The following TMEM74 variants were observed in gnomAD, a reference collection of about 807,000 sequenced individuals.
TMEM74 encodes transmembrane protein 74.
TMEM74 carries 13 observed loss-of-function variants against 18.1 expected under a neutral mutation model. The ratio of observed to expected loss-of-function variants is 0.72; its 90% CI spans 0.47 to 1.14. The LOEUF is 1.14. Among genes scored for constraint, TMEM74 ranks in the 50% most tolerant of loss-of-function variants. TMEM74 has a pLI of 0.00. For synonymous variants in TMEM74, 159 were observed against 146.6 expected (o/e 1.08, Z -0.61); for missense variants, 372 against 375.9 (o/e 0.99, Z 0.09).
intron 1 of TMEM74, among the ~76,000 whole-genome samples, chr8:108,690,226 A>T (rs918627074): frequency 2.0e-5 from 3 of 152,278 alleles, no homozygotes; most frequent in East Asian, 1.9e-4. Flanking sequence ...TGAGTAAATC[A>T]GCAAGGCTAA....
chr8:108,771,040 G>T (rs1195317926), intron 1 of TMEM74, among the ~76,000 whole-genome samples: 1 of 152,164 alleles, frequency 6.6e-6, no homozygotes, highest in African/African-American at 2.4e-5. Context: ...GGATAACTGA[G>T]TTCTTCAGGT....
At chr8:108,613,017 TA>T (rs886656657) in intron 2 of TMEM74, among the ~76,000 whole-genome samples, 1 of 152,188 alleles carries the variant, frequency 6.6e-6, no homozygotes, top group African/African-American at 2.4e-5. Flanking sequence ...ACTTCTGAAT[TA>T]TAAAAATAAA....
chr8:108,660,029 C>A (rs535634553), intron 1 of TMEM74, among the ~76,000 whole-genome samples: 2 of 152,130 alleles, frequency 1.3e-5, no homozygotes, highest in Non-Finnish European at 2.9e-5. Context: ...CACCTAACCC[C>A]GCTTCCTCTG....
intron 2 of TMEM74, among the ~76,000 whole-genome samples, chr8:108,612,399 T>C (rs1342378571): frequency 2.0e-5 from 3 of 152,226 alleles, no homozygotes; most frequent in African/African-American, 7.2e-5. Context: ...GGTGATTATT[T>C]GATAACCAAA....
chr8:108,688,953 A>G (rs901144239), intron 1 of TMEM74, among the ~76,000 whole-genome samples: 2 of 152,160 alleles, frequency 1.3e-5, no homozygotes, highest in African/African-American at 4.8e-5. Context: ...CTGCAGATGT[A>G]CAAACCTCTT....
At chr8:108,619,192 A>G (rs1812414127) in intron 2 of TMEM74, among the ~76,000 whole-genome samples, 1 of 152,194 alleles carries the variant, frequency 6.6e-6, no homozygotes, top group Non-Finnish European at 1.5e-5. Context: ...TTATGTTTTT[A>G]TATCCAAATG....
chr8:108,670,690 G>C (rs528067083), intron 1 of TMEM74, among the ~76,000 whole-genome samples: 1 of 152,206 alleles, frequency 6.6e-6, no homozygotes, highest in East Asian at 1.9e-4. Flanking sequence ...TCAGGATACA[G>C]AAAAACATGA....
chr8:108,725,879 T>A (rs188025475), intron 1 of TMEM74, among the ~76,000 whole-genome samples: 1 of 152,328 alleles, frequency 6.6e-6, no homozygotes, highest in Non-Finnish European at 1.5e-5. Context: ...ACTCAAAGGA[T>A]AATGTAACAT....
intron 1 of TMEM74, among the ~76,000 whole-genome samples, chr8:108,759,062 C>T (rs1487735791): frequency 1.3e-5 from 2 of 151,886 alleles, no homozygotes; most frequent in South Asian, 2.1e-4. Flanking sequence ...ATGTAAAATG[C>T]ATCCATAAAA....
At chr8:108,717,705 G>C (rs1813540088) in intron 1 of TMEM74, among the ~76,000 whole-genome samples, 1 of 152,096 alleles carries the variant, frequency 6.6e-6, no homozygotes. Context: ...GTCATGTGGG[G>C]ATTTGGAGGA....
chr8:108,637,243 T>G (rs1175547595), intron 2 of TMEM74, among the ~76,000 whole-genome samples: 1 of 152,114 alleles, frequency 6.6e-6, no homozygotes, highest in Non-Finnish European at 1.5e-5. Flanking sequence ...CTTTTCCCAT[T>G]TGAAATGTCA....
chr8:108,643,820 A>G (rs1812690146), intron 2 of TMEM74, among the ~76,000 whole-genome samples: 1 of 152,168 alleles, frequency 6.6e-6, no homozygotes, highest in Admixed American at 6.6e-5. Flanking sequence ...TACAAGGAGA[A>G]CTATAAAACA....
At chr8:108,723,053 G>C (rs1025020567) in intron 1 of TMEM74, among the ~76,000 whole-genome samples, 1 of 152,136 alleles carries the variant, frequency 6.6e-6, no homozygotes, top group South Asian at 2.1e-4. Context: ...GAGCACACAC[G>C]CATCTCTTTC....
At chr8:108,714,259 G>GAAAAA in intron 1 of TMEM74, among the ~76,000 whole-genome samples, 1 of 152,180 alleles carries the variant, frequency 6.6e-6, no homozygotes, top group Admixed American at 6.5e-5. Flanking sequence ...AGGTAAAAAT[G>GAAAAA]TATAGATATT....
intron 2 of TMEM74, among the ~76,000 whole-genome samples, chr8:108,654,074 A>C (rs185946971): frequency 1.3e-3 from 194 of 152,256 alleles, no homozygotes; most frequent in Non-Finnish European, 2.5e-3. Context: ...GTTTGGGACC[A>C]TTGTTTTCAT....
At chr8:108,632,312 G>A (rs1327357253) in intron 2 of TMEM74, among the ~76,000 whole-genome samples, 1 of 151,968 alleles carries the variant, frequency 6.6e-6, no homozygotes, top group Admixed American at 6.6e-5. Flanking sequence ...TAACAACACT[G>A]TGGTGCATAC....
At chr8:108,628,281 A>C (rs1475492058) in intron 2 of TMEM74, among the ~76,000 whole-genome samples, 2 of 151,980 alleles carry the variant, frequency 1.3e-5, no homozygotes, top group African/African-American at 4.8e-5. Context: ...TATAGAAAAA[A>C]CATTTGTCTG....
intron 1 of TMEM74, among the ~76,000 whole-genome samples, chr8:108,700,392 G>A (rs1207068559): frequency 6.6e-6 from 1 of 152,084 alleles, no homozygotes; most frequent in Non-Finnish European, 1.5e-5. Flanking sequence ...TCTCTGGGCT[G>A]CTCTTGGTGT....
chr8:108,661,122 T>C (rs1812895609), intron 1 of TMEM74, among the ~76,000 whole-genome samples: 2 of 152,174 alleles, frequency 1.3e-5, no homozygotes, highest in Admixed American at 1.3e-4. Context: ...CATTTGATTA[T>C]AATTTGAATA....
Sources: allele counts gnomAD v4.1 joint callset (sites outside exome capture counted in the v4.1 genomes callset), GRCh38; gene constraint gnomAD v4.1.1; transcripts MANE v1.5; gene names NCBI Gene and HGNC (gene_info 2026-07-23, HGNC 2026-07-21).